The following HSDL2 variants were observed in gnomAD, a reference collection of about 807,000 sequenced individuals.
The protein encoded by HSDL2 is hydroxysteroid dehydrogenase-like protein 2.
A neutral mutation model predicts 46.3 loss-of-function variants in HSDL2; 27 were observed. The observed-to-expected ratio is 0.58, with a 90% CI of 0.43 to 0.80. HSDL2 has a LOEUF of 0.80. HSDL2 is among the 30% of genes least tolerant of loss of function. The pLI is 0.00. For synonymous variants in HSDL2, 153 were observed against 163.6 expected, an observed-to-expected ratio of 0.94 and a Z score of 0.50; for missense variants, 451 against 502.7, an observed-to-expected ratio of 0.90 and a Z score of 0.98.
At chr9:112,443,584 G>C (rs1356223795) in intron 8 of HSDL2, among the ~76,000 whole-genome samples, 1 of 152,108 alleles carries the variant, frequency 6.6e-6, no homozygotes, top group Non-Finnish European at 1.5e-5. Context: ...AAAAAAATTA[G>C]CTGGCCATGG....
At chr9:112,445,734 G>C (rs1401903746) in intron 8 of HSDL2, among the ~76,000 whole-genome samples, 2 of 152,098 alleles carry the variant, frequency 1.3e-5, no homozygotes, top group Non-Finnish European at 1.5e-5. Context: ...ACATTAGCCA[G>C]TCTGGTCTCA....
chr9:112,472,270 G>C lies in HSDL2; in HGVS notation c.*1726G>C, dbSNP rs994336603. 6.6e-6 allele frequency: 1 copy of C among 152,170 alleles called. No individual in the cohort carries two copies. Among genetic ancestry groups the C allele is most frequent in the African/African-American group, 2.4e-5 (1 of 41,404 alleles). The allele number at this position is 152,170 out of a possible 1,614,324, so 9.4% of individuals were successfully genotyped here. ...TTAACCAATCTGCTGTGTCTACTAT[G>C]CTGTTTCCTTGTTCCTGCTAGTGCT... On this transcript the variant is annotated 3_prime_UTR_variant, in exon 11 of 11. Coordinates refer to ENST00000398805, the MANE Select transcript of HSDL2 (RefSeq NM_032303.5).
At chr9:112,460,700 A>G (rs771554848) in intron 10 of HSDL2, among the ~76,000 whole-genome samples, 10 of 151,928 alleles carry the variant, frequency 6.6e-5, no homozygotes, top group Non-Finnish European at 1.3e-4. Flanking sequence ...AAGTTGAGAT[A>G]ACACCACCGC....
chr9:112,415,749 C>A (rs10739349), intron 4 of HSDL2, among the ~76,000 whole-genome samples: 69,559 of 151,868 alleles, frequency 0.46, 16,084 homozygotes, highest in South Asian at 0.51. Flanking sequence ...AAATTAGTTG[C>A]TTTTTCTGTC....
intron 3 of HSDL2, among the ~76,000 whole-genome samples, chr9:112,406,633 G>A (rs1024636222): frequency 6.6e-6 from 1 of 151,994 alleles, no homozygotes; most frequent in African/African-American, 2.4e-5. Context: ...ACCATGCCCA[G>A]CTAATTTTTG....
At chr9:112,438,270 T>A (rs986155739) in intron 6 of HSDL2, among the ~76,000 whole-genome samples, 161 bp from the exon 7 acceptor site, 27 of 152,024 alleles carry the variant, frequency 1.8e-4, no homozygotes, top group African/African-American at 5.8e-4. Flanking sequence ...ACAAAAAAAA[T>A]TTGGCAAATC....
intron 9 of HSDL2, 74 bp downstream of exon 9, chr9:112,454,236 TC>T: frequency 8.0e-7 from 1 of 1,249,356 alleles, no homozygotes; most frequent in Non-Finnish European, 1.1e-6. Flanking sequence ...AAAATCAGCG[TC>T]CAACAGTGAT....
chr9:112,434,479 A>G (rs1379283413), intron 6 of HSDL2, among the ~76,000 whole-genome samples: 1 of 152,082 alleles, frequency 6.6e-6, no homozygotes, highest in Admixed American at 6.5e-5. Flanking sequence ...AGTTTATACC[A>G]TTTTCATTGA....
intron 10 of HSDL2, among the ~76,000 whole-genome samples, chr9:112,469,362 T>C (rs570108384): frequency 6.6e-6 from 1 of 152,010 alleles, no homozygotes; most frequent in African/African-American, 2.4e-5. Context: ...CTAGAAGATA[T>C]GTCATCTATA....
intron 2 of HSDL2, among the ~76,000 whole-genome samples, chr9:112,405,251 C>T (rs1432296168): frequency 6.6e-6 from 1 of 152,096 alleles, no homozygotes; most frequent in African/African-American, 2.4e-5. Flanking sequence ...ACTTGGGAAG[C>T]TGAGGTGGGA....
chr9:112,450,186 ATGGG>A (rs1344589337), intron 8 of HSDL2, among the ~76,000 whole-genome samples: 1 of 151,618 alleles, frequency 6.6e-6, no homozygotes, highest in Non-Finnish European at 1.5e-5. Context: ...TCATAACACT[ATGGG>A]AGACAGAGGT....
chr9:112,418,727 A>C, intron 5 of HSDL2, 133 bp from the exon 6 acceptor site: 1 of 431,794 alleles, frequency 2.3e-6, no homozygotes, highest in Non-Finnish European at 4.2e-6. Flanking sequence ...ATATACACAT[A>C]CATATGTATA....
At chr9:112,464,705 T>C (rs557525575) in intron 10 of HSDL2, among the ~76,000 whole-genome samples, 2 of 152,348 alleles carry the variant, frequency 1.3e-5, no homozygotes, top group Admixed American at 1.3e-4. Context: ...TATTGAGATA[T>C]AATTCATATA....
chr9:112,466,548 C>G (rs1291682690), intron 10 of HSDL2, among the ~76,000 whole-genome samples: 1 of 21,452 alleles, frequency 4.7e-5, no homozygotes, highest in African/African-American at 2.4e-4. Flanking sequence ...GAGACTGTCT[C>G]AAAAAAAAAA....
chr9:112,437,875 T>C (rs760843881), intron 6 of HSDL2, among the ~76,000 whole-genome samples: 1 of 152,240 alleles, frequency 6.6e-6, no homozygotes, highest in Non-Finnish European at 1.5e-5. Context: ...TTGAGTCTTA[T>C]GGTTTGGTCT....
intron 1 of HSDL2, among the ~76,000 whole-genome samples, chr9:112,392,172 G>GT (rs1244838699): frequency 3.3e-5 from 5 of 152,154 alleles, no homozygotes; most frequent in Non-Finnish European, 7.3e-5. Flanking sequence ...AGAACAGGGA[G>GT]TAGGTACAAA....
intron 10 of HSDL2, among the ~76,000 whole-genome samples, chr9:112,466,322 G>A (rs1833377744): frequency 6.6e-6 from 1 of 152,156 alleles, no homozygotes; most frequent in South Asian, 2.1e-4. Context: ...GGAGGCCGAG[G>A]CGGGCAGATC....
At chr9:112,462,559 ATAAAG>A (rs1204399306) in intron 10 of HSDL2, among the ~76,000 whole-genome samples, 5 of 151,950 alleles carry the variant, frequency 3.3e-5, no homozygotes, top group African/African-American at 1.2e-4. Flanking sequence ...TATGACAGAA[ATAAAG>A]TAAATTGAGC....
At chr9:112,382,617 A>G (rs1002819585) in intron 1 of HSDL2, among the ~76,000 whole-genome samples, 10 of 152,214 alleles carry the variant, frequency 6.6e-5, no homozygotes, top group Admixed American at 4.6e-4. Context: ...GCTGGTGCAC[A>G]TCCTACAATT....
Sources: allele counts gnomAD v4.1 joint callset (sites outside exome capture counted in the v4.1 genomes callset), GRCh38; gene constraint gnomAD v4.1.1; transcripts MANE v1.5; gene names NCBI Gene and HGNC (gene_info 2026-07-23, HGNC 2026-07-21).